Variants in SNX24 observed in about 807,000 individuals in gnomAD.
SNX24 encodes sorting nexin 24.
SNX24 carries 22 observed loss-of-function variants against 28.7 expected under a neutral mutation model. The ratio of observed to expected loss-of-function variants is 0.77; its 90% confidence interval spans 0.55 to 1.10. The LOEUF is 1.10. Ranked by LOEUF, SNX24 falls within the 50% of genes least tolerant of loss-of-function variation. SNX24 has a pLI of 0.00. For synonymous variants in SNX24, 69 were observed against 71.5 expected (o/e 0.96, Z 0.18); for missense variants, 221 against 201.1 (o/e 1.10, Z -0.60).
intron 1 of SNX24, among the ~76,000 whole-genome samples, chr5:122,853,212 C>A (rs912478645): frequency 2.0e-5 from 3 of 148,856 alleles, no homozygotes; most frequent in African/African-American, 7.5e-5. Context: ...CTGCAAGCTC[C>A]GCTTCCCAGG....
At chr5:122,907,362 G>C (rs908847004) in intron 1 of SNX24, among the ~76,000 whole-genome samples, 3 of 152,180 alleles carry the variant, frequency 2.0e-5, no homozygotes, top group Non-Finnish European at 4.4e-5. Flanking sequence ...TGAAGGTAGT[G>C]TGGGAATTTG....
chr5:122,873,620 C>G (rs1434335423), intron 1 of SNX24, among the ~76,000 whole-genome samples: 1 of 152,062 alleles, frequency 6.6e-6, no homozygotes, highest in East Asian at 1.9e-4. Flanking sequence ...CCAATATTTA[C>G]TTAGATTCAT....
At chr5:122,909,924 T>A (rs34548894) in intron 1 of SNX24, among the ~76,000 whole-genome samples, 1 of 152,188 alleles carries the variant, frequency 6.6e-6, no homozygotes, top group Non-Finnish European at 1.5e-5. Context: ...ACAAACTACC[T>A]AATGGAATAA....
intron 1 of SNX24, among the ~76,000 whole-genome samples, chr5:122,927,399 T>TAAAGC (rs10659941): frequency 6.6e-6 from 1 of 151,620 alleles, no homozygotes; most frequent in Non-Finnish European, 1.5e-5. Context: ...TGTAGGCTAT[T>TAAAGC]TATCTTTTAT....
chr5:122,940,191 G>A (rs762412470), intron 2 of SNX24, among the ~76,000 whole-genome samples: 9 of 151,704 alleles, frequency 5.9e-5, no homozygotes, highest in Non-Finnish European at 7.4e-5. Context: ...ACAGTGTTTC[G>A]CCATGTTGGC....
intron 4 of SNX24, among the ~76,000 whole-genome samples, chr5:123,001,006 A>G (rs974942614): frequency 3.3e-5 from 5 of 152,208 alleles, no homozygotes; most frequent in African/African-American, 1.2e-4. Context: ...TGCATAACAA[A>G]AATTATACAC....
rs1581873749 is a variant in SNX24, at chr5:123,028,686, C to G, written n.384-552C>G. Reference sequence around the variant, plus strand: ...TCGTCTTTACAACTGTGTTCCTTAGCTCTGGATTTCAACAGACTGGGTTCA... The same window carrying G: ...TCGTCTTTACAACTGTGTTCCTTAGGTCTGGATTTCAACAGACTGGGTTCA... On this transcript the variant is annotated intron_variant and non_coding_transcript_variant, in intron 5 of 5. Transcript: ENST00000502387. The G allele has an allele frequency of 5.7e-6, 6 of 1,056,752 alleles. No homozygotes were observed. In the South Asian group the frequency reaches 7.9e-5, roughly 14 times the overall value. 65.5% of individuals were successfully genotyped at this position (1,056,752 alleles called of 1,614,324 possible).
At chr5:122,879,992 T>C (rs568985604) in intron 1 of SNX24, among the ~76,000 whole-genome samples, 2 of 152,320 alleles carry the variant, frequency 1.3e-5, no homozygotes, top group Middle Eastern at 3.4e-3. Flanking sequence ...TTAATTACCA[T>C]TGTAGATTTT....
At chr5:122,852,359 T>A (rs1259384604) in intron 1 of SNX24, among the ~76,000 whole-genome samples, 1 of 151,872 alleles carries the variant, frequency 6.6e-6, no homozygotes, top group East Asian at 1.9e-4. Context: ...TTTTTTTTTT[T>A]TTGACAGAGG....
At chr5:122,896,094 G>T (rs541510976) in intron 1 of SNX24, among the ~76,000 whole-genome samples, 1 of 152,326 alleles carries the variant, frequency 6.6e-6, no homozygotes, top group Non-Finnish European at 1.5e-5. Flanking sequence ...GTTGCAGTGA[G>T]CTGAGATCAA....
At chr5:122,925,242 T>TCTC (rs138791195) in intron 1 of SNX24, among the ~76,000 whole-genome samples, 2,416 of 73,658 alleles carry the variant, frequency 0.033, 41 homozygotes, top group Middle Eastern at 0.083. Context: ...CTCTTCTTTT[T>TCTC]CTCCTCCTCC....
chr5:122,853,610 G>A (rs1335817741), intron 1 of SNX24: 1 of 322,818 alleles, frequency 3.1e-6, no homozygotes, highest in Non-Finnish European at 6.4e-6. Context: ...CTAGAAATAT[G>A]TTTTAACTTT....
chr5:122,941,329 G>A (rs995291564), intron 2 of SNX24, among the ~76,000 whole-genome samples: 2 of 152,020 alleles, frequency 1.3e-5, no homozygotes, highest in Non-Finnish European at 2.9e-5. Flanking sequence ...TTTACTGGCC[G>A]ACTTTATTTT....
At position 122,973,948 on chromosome 5, in the gene SNX24, A is replaced by G. The variant is rs143043660; in HGVS notation, c.250-25964A>G. On this transcript the variant is annotated intron_variant, in intron 3 of 6. Coordinates refer to ENST00000261369, the MANE Select transcript of SNX24 (RefSeq NM_014035.4). ...AGCACCATTGGATCTGCTGGGTCAT[A>G]TGGCTCAAGTGGCAGAGCAGCTTGC... Among the ~76,000 whole-genome samples, 1,286 of 152,306 alleles carry G rather than the reference A, an allele frequency of 8.4e-3. 22 individuals carry two copies. Among genetic ancestry groups the G allele is most frequent in the African/African-American group, 0.03 (1,232 of 41,566 alleles).
intron 6 of SNX24, among the ~76,000 whole-genome samples, chr5:123,005,102 A>C (rs572495626): frequency 6.6e-6 from 1 of 152,310 alleles, no homozygotes; most frequent in Admixed American, 6.5e-5. Flanking sequence ...CAAAACCCTG[A>C]TTATGTTATT....
chr5:122,884,397 C>T (rs1163136724), intron 1 of SNX24, among the ~76,000 whole-genome samples: 1 of 151,516 alleles, frequency 6.6e-6, no homozygotes, highest in Non-Finnish European at 1.5e-5. Flanking sequence ...GTGGAATGCG[C>T]CACCACCTCT....
At chr5:122,948,664 C>T (rs1759801296) in intron 3 of SNX24, 1 of 152,192 alleles carries the variant, frequency 6.6e-6, no homozygotes, top group South Asian at 2.1e-4. Flanking sequence ...CAACCCCACA[C>T]ATTTCCTAAG....
At chr5:122,871,363 T>C (rs1755970665) in intron 1 of SNX24, among the ~76,000 whole-genome samples, 2 of 152,182 alleles carry the variant, frequency 1.3e-5, no homozygotes, top group Admixed American at 6.5e-5. Flanking sequence ...AGAGTGTATA[T>C]TTAGCATAAA....
At chr5:122,896,969 TTG>T (rs975040328) in intron 1 of SNX24, among the ~76,000 whole-genome samples, 15 of 152,230 alleles carry the variant, frequency 9.9e-5, no homozygotes, top group African/African-American at 2.9e-4. Context: ...CCTCTGAACC[TTG>T]TGTGTGTGTC....
Sources: allele counts gnomAD v4.1 joint callset (sites outside exome capture counted in the v4.1 genomes callset), GRCh38; gene constraint gnomAD v4.1.1; transcripts MANE v1.5; gene names NCBI Gene and HGNC (gene_info 2026-07-23, HGNC 2026-07-21).